The following GRM7 variants were observed in gnomAD, a reference collection of about 807,000 sequenced individuals.
GRM7 encodes metabotropic glutamate receptor 7.
A neutral mutation model predicts 84.5 loss-of-function variants in GRM7; 35 were observed. The observed-to-expected ratio is 0.41, with a 90% CI of 0.32 to 0.55. GRM7 has a LOEUF of 0.55. Ranked by LOEUF, GRM7 falls within the 20% of genes least tolerant of loss-of-function variation. The pLI is 0.19. For missense variants in GRM7, 1,003 were observed against 1,194.6 expected (o/e 0.84, Z 2.36); for synonymous variants, 487 against 455.1 (o/e 1.07, Z -0.89).
At chr3:7,013,720 T>C (rs538963835) in intron 1 of GRM7, among the ~76,000 whole-genome samples, 4 of 152,022 alleles carry the variant, frequency 2.6e-5, no homozygotes, top group Non-Finnish European at 5.9e-5. Context: ...GAGCCAGGAG[T>C]TCTTCCAGTC....
chr3:7,457,845 G>A (rs1018854701), intron 6 of GRM7, among the ~76,000 whole-genome samples: 3 of 152,102 alleles, frequency 2.0e-5, no homozygotes, highest in Non-Finnish European at 2.9e-5. Flanking sequence ...GTATCCCACC[G>A]GTTAGCCAAT....
chr3:7,099,590 A>C (rs540950883), intron 1 of GRM7, among the ~76,000 whole-genome samples: 6 of 141,654 alleles, frequency 4.2e-5, no homozygotes, highest in Non-Finnish European at 9.3e-5. Context: ...ATATATGTAT[A>C]TGTACACGCA....
intron 8 of GRM7, among the ~76,000 whole-genome samples, chr3:7,591,200 G>C (rs1575531024): frequency 6.6e-6 from 1 of 152,158 alleles, no homozygotes; most frequent in African/African-American, 2.4e-5. Context: ...CGCAGACAAA[G>C]CTAATAGTCA....
At chr3:7,456,853 A>G (rs1698039314) in intron 6 of GRM7, among the ~76,000 whole-genome samples, 1 of 152,148 alleles carries the variant, frequency 6.6e-6, no homozygotes, top group Non-Finnish European at 1.5e-5. Context: ...TGTAAAGCAA[A>G]GAAGCTGTGC....
At chr3:7,252,324 GCCCTCAAGT>G (rs1698021416) in intron 2 of GRM7, among the ~76,000 whole-genome samples, 1 of 152,196 alleles carries the variant, frequency 6.6e-6, no homozygotes, top group Non-Finnish European at 1.5e-5. Flanking sequence ...TCCGCTCATA[GCCCTCAAGT>G]CCTTCCAGAT....
intron 1 of GRM7, among the ~76,000 whole-genome samples, chr3:7,027,856 T>C (rs1164157352): frequency 6.6e-6 from 1 of 152,170 alleles, no homozygotes; most frequent in East Asian, 1.9e-4. Flanking sequence ...ACATTTGTTT[T>C]CCTTCTGAAT....
At chr3:7,104,366 T>C (rs757550643) in intron 1 of GRM7, among the ~76,000 whole-genome samples, 1 of 151,776 alleles carries the variant, frequency 6.6e-6, no homozygotes, top group Non-Finnish European at 1.5e-5. Flanking sequence ...TTCTAGACTG[T>C]GAAAATATAA....
chr3:7,603,558 A>G (rs1027051509), intron 8 of GRM7, among the ~76,000 whole-genome samples: 10 of 152,198 alleles, frequency 6.6e-5, no homozygotes, highest in African/African-American at 2.2e-4. Context: ...AGCAGCTCAC[A>G]GAGTTGGTGA....
intron 1 of GRM7, among the ~76,000 whole-genome samples, chr3:6,970,910 A>G (rs1354863035): frequency 6.6e-6 from 1 of 152,118 alleles, no homozygotes; most frequent in Non-Finnish European, 1.5e-5. Flanking sequence ...TGAACCCGGG[A>G]GGCTGAGGTT....
intron 1 of GRM7, among the ~76,000 whole-genome samples, chr3:6,969,183 G>A (rs1475838358): frequency 6.6e-6 from 1 of 151,704 alleles, no homozygotes; most frequent in Non-Finnish European, 1.5e-5. Context: ...GTAATTTATA[G>A]TTTTCAAAGT....
At chr3:7,060,018 A>G (rs1697378622) in intron 1 of GRM7, among the ~76,000 whole-genome samples, 1 of 151,830 alleles carries the variant, frequency 6.6e-6, no homozygotes, top group African/African-American at 2.4e-5. Flanking sequence ...GCGAAGTCCA[A>G]AGGCTATTCC....
At chr3:7,118,310 T>G (rs192195000) in intron 1 of GRM7, among the ~76,000 whole-genome samples, 14 of 151,938 alleles carry the variant, frequency 9.2e-5, no homozygotes, top group African/African-American at 3.1e-4. Flanking sequence ...AAGATCCTTT[T>G]GCCTGGGAGG....
intron 2 of GRM7, among the ~76,000 whole-genome samples, chr3:7,227,671 G>A (rs1416908840): frequency 2.0e-5 from 3 of 152,114 alleles, no homozygotes; most frequent in Non-Finnish European, 4.4e-5. Context: ...CAAATGGAAG[G>A]TTTCTTTTCA....
intron 7 of GRM7, among the ~76,000 whole-genome samples, chr3:7,540,272 T>C (rs981707167): frequency 9.9e-5 from 15 of 152,164 alleles, no homozygotes; most frequent in African/African-American, 3.6e-4. Context: ...ACACAAGACT[T>C]GGACATAAAT....
chr3:7,735,038 G>C (rs1407255732), intron 9 of GRM7, among the ~76,000 whole-genome samples: 2 of 134,856 alleles, frequency 1.5e-5, no homozygotes, highest in African/African-American at 3.4e-5. Flanking sequence ...ATTGACTACA[G>C]AAGTAATTAC....
Position 7,595,025 on chromosome 3 carries a change from T to C in GRM7, c.2451+15668T>C, listed in dbSNP as rs545000986. On this transcript the variant is annotated intron_variant, in intron 8 of 9. Transcript: ENST00000357716. The stretch of plus-strand genomic sequence containing the variant: ...ATCCTATGTCCTCTTGTGCTTTCTA[T>C]TGCAAAGAAATGATCTATTCAGTCA... 1.4e-4 allele frequency among the ~76,000 whole-genome samples: 21 copies of C among 152,320 alleles called. No homozygotes were observed. The South Asian group carries it at 2.3e-3, about 17-fold the overall frequency.
chr3:7,402,047 C>T (rs1695475569), intron 4 of GRM7, among the ~76,000 whole-genome samples: 1 of 152,138 alleles, frequency 6.6e-6, no homozygotes, highest in African/African-American at 2.4e-5. Flanking sequence ...TTTCTCCCTC[C>T]ATGTCTTTTT....
rs181532347 is a variant in GRM7 at position 7,578,054 on chromosome 3, G to A, written c.1516-368G>A. 2.2e-4 allele frequency among the ~76,000 whole-genome samples: 34 copies of A among 152,294 alleles called. No homozygotes were observed. In the East Asian group the frequency reaches 5.8e-3, roughly 26 times the overall value. Reference sequence around the variant, plus strand: ...TTACCCGGGGGGAAGACAGTAGAGTGCATGCCAGTTTTTCTCAAGTTATCT... The same window carrying A: ...TTACCCGGGGGGAAGACAGTAGAGTACATGCCAGTTTTTCTCAAGTTATCT... On this transcript the variant is annotated intron_variant, in intron 7 of 9. Coordinates refer to ENST00000357716, the MANE Select transcript of GRM7 (RefSeq NM_000844.4).
chr3:7,330,661 T>C (rs903789188), intron 4 of GRM7, among the ~76,000 whole-genome samples: 1 of 152,210 alleles, frequency 6.6e-6, no homozygotes, highest in African/African-American at 2.4e-5. Context: ...ATCTCCTGCC[T>C]GCCGCCATGT....
Sources: gnomAD v4.1 joint callset for allele counts (sites outside exome capture counted in the v4.1 genomes callset) on GRCh38, gnomAD v4.1.1 for gene constraint, MANE v1.5 for transcripts, NCBI Gene and HGNC (gene_info 2026-07-23, HGNC 2026-07-21) for gene names.